ALPK2: variants seen among roughly 807,000 people sequenced by gnomAD.
ALPK2 encodes alpha-protein kinase 2.
A neutral mutation model predicts 163.1 loss-of-function variants in ALPK2; 127 were observed. That is an observed-to-expected ratio of 0.78 (90% CI 0.67 to 0.90). The LOEUF is 0.90. Ranked by LOEUF, ALPK2 falls within the 40% of genes least tolerant of loss-of-function variation. The probability of loss-of-function intolerance (pLI) is 0.00; values close to 1 mark genes in which losing one functional copy is unlikely to be tolerated. For missense variants in ALPK2, 2,360 were observed against 2,589.6 expected, an observed-to-expected ratio of 0.91 and a Z score of 1.92; for synonymous variants, 953 against 959.1, an observed-to-expected ratio of 0.99 and a Z score of 0.12.
intron 3 of ALPK2, among the ~76,000 whole-genome samples, chr18:58,603,600 C>A (rs962923651): frequency 1.3e-5 from 2 of 152,200 alleles, no homozygotes; most frequent in African/African-American, 4.8e-5. Flanking sequence ...TTGCAACCAT[C>A]AAAGGAGGCC....
chr18:58,578,538 C>A, intron 4 of ALPK2: 1 of 286,368 alleles, frequency 3.5e-6, no homozygotes, highest in East Asian at 6.5e-5. Context: ...GTCCAGAATC[C>A]CATTAGTGCC....
At chr18:58,547,393 G>A (rs1028244808) in intron 4 of ALPK2, among the ~76,000 whole-genome samples, 4 of 152,214 alleles carry the variant, frequency 2.6e-5, no homozygotes, top group Non-Finnish European at 4.4e-5. Flanking sequence ...GCTGGAGAAC[G>A]GCTCACCATG....
chr18:58,526,465 G>A (rs190080027), intron 6 of ALPK2, among the ~76,000 whole-genome samples: 8 of 152,290 alleles, frequency 5.3e-5, no homozygotes, highest in South Asian at 4.2e-4. Flanking sequence ...GGTTCCCAGC[G>A]GGAACAACAT....
At chr18:58,624,483 T>C in intron 1 of ALPK2, among the ~76,000 whole-genome samples, 1 of 151,292 alleles carries the variant, frequency 6.6e-6, no homozygotes, top group Non-Finnish European at 1.5e-5. Context: ...AGACAGAGTT[T>C]CACTCTTGTT....
intron 9 of ALPK2, 147 bp downstream of exon 9, chr18:58,516,761 C>G (rs1014437205): frequency 2.0e-6 from 2 of 993,958 alleles, no homozygotes; most frequent in African/African-American, 3.2e-5. Context: ...AGAAGTGATC[C>G]CCAGCATTGA....
At chr18:58,570,144 A>G (rs1602223064) in intron 4 of ALPK2, among the ~76,000 whole-genome samples, 1 of 150,528 alleles carries the variant, frequency 6.6e-6, no homozygotes, top group East Asian at 2.0e-4. Context: ...AAAAAAAAAA[A>G]AAGAAAAGAA....
chr18:58,587,160 G>C (rs1337787019), intron 3 of ALPK2, among the ~76,000 whole-genome samples: 2 of 152,168 alleles, frequency 1.3e-5, no homozygotes, highest in Non-Finnish European at 2.9e-5. Flanking sequence ...ATTGGTTCCA[G>C]GCATCTAAGG....
chr18:58,544,927 T>C (rs1250097054), intron 4 of ALPK2: 1 of 152,188 alleles, frequency 6.6e-6, no homozygotes, highest in Non-Finnish European at 1.5e-5. Context: ...GGGGTCAGTC[T>C]GCCTAATGAG....
chr18:58,578,733 G>GACACACACATGCGCGCGCGCACAC, intron 4 of ALPK2, 81 bp downstream of exon 4: 1 of 530,150 alleles, frequency 1.9e-6, no homozygotes, highest in Non-Finnish European at 3.1e-6. Flanking sequence ...TAAAGGAAGA[G>GACACACACATGCGCGCGCGCACAC]ACACACACAC....
chr18:58,503,538 A>T (rs548762914), intron 11 of ALPK2, among the ~76,000 whole-genome samples: 7 of 151,662 alleles, frequency 4.6e-5, no homozygotes, highest in East Asian at 1.9e-4. Context: ...CAAAAAAAAA[A>T]TTTTTTTTTA....
At chr18:58,584,532 C>T (rs184403687) in intron 3 of ALPK2, among the ~76,000 whole-genome samples, 22 of 152,312 alleles carry the variant, frequency 1.4e-4, no homozygotes, top group Admixed American at 2.0e-4. Context: ...AGAAAGGAAA[C>T]GACACAGTGT....
At chr18:58,581,303 A>G (rs1352346512) in intron 3 of ALPK2, among the ~76,000 whole-genome samples, 3 of 152,222 alleles carry the variant, frequency 2.0e-5, no homozygotes, top group African/African-American at 7.2e-5. Flanking sequence ...TTCTTGCTAG[A>G]GGCCGTAAAG....
chr18:58,608,524 G>A (rs2052109954), intron 2 of ALPK2, among the ~76,000 whole-genome samples: 1 of 152,174 alleles, frequency 6.6e-6, no homozygotes, highest in Non-Finnish European at 1.5e-5. Flanking sequence ...TGTGCCATAT[G>A]CACAGGAAGG....
intron 12 of ALPK2, among the ~76,000 whole-genome samples, chr18:58,493,545 G>C (rs2051385919): frequency 6.6e-6 from 1 of 152,084 alleles, no homozygotes; most frequent in Non-Finnish European, 1.5e-5. Context: ...CTTTCTTTTG[G>C]AACTCAGCTT....
intron 8 of ALPK2, among the ~76,000 whole-genome samples, chr18:58,521,627 C>CTCT (rs59358600): frequency 0.095 from 5,297 of 55,844 alleles, 476 homozygotes; most frequent in Middle Eastern, 0.23. Flanking sequence ...TTCTCTCTCT[C>CTCT]TTTTTTTTTT....
chr18:58,562,137 C>T (rs1020341989), intron 4 of ALPK2, among the ~76,000 whole-genome samples: 3 of 152,222 alleles, frequency 2.0e-5, no homozygotes, highest in Non-Finnish European at 2.9e-5. Context: ...CCTCTTTGAG[C>T]GTTATGGGCC....
At chr18:58,557,815 C>A (rs912743618) in intron 4 of ALPK2, among the ~76,000 whole-genome samples, 10 of 151,940 alleles carry the variant, frequency 6.6e-5, no homozygotes, top group Admixed American at 2.6e-4. Flanking sequence ...TACAATAGAG[C>A]TGAGTACATG....
intron 8 of ALPK2, 96 bp from the exon 9 acceptor site, chr18:58,517,278 C>T (rs770739502): frequency 1.4e-5 from 18 of 1,310,034 alleles, no homozygotes; most frequent in Non-Finnish European, 1.9e-5. Context: ...AGGACAATGA[C>T]AAGGCTGACC....
At chr18:58,606,785 C>T (rs1283268550) in intron 3 of ALPK2, among the ~76,000 whole-genome samples, 2 of 152,138 alleles carry the variant, frequency 1.3e-5, no homozygotes, top group African/African-American at 4.8e-5. Context: ...CTCTCCTTTA[C>T]TTATTGAGTT....
Sources: allele counts gnomAD v4.1 joint callset (sites outside exome capture counted in the v4.1 genomes callset), GRCh38; gene constraint gnomAD v4.1.1; transcripts MANE v1.5; gene names NCBI Gene and HGNC (gene_info 2026-07-23, HGNC 2026-07-21).